Variants in RBFOX1 observed in about 807,000 individuals in gnomAD.
RBFOX1 encodes RNA binding protein fox-1 homolog 1.
A neutral mutation model predicts 57.7 loss-of-function variants in RBFOX1; 8 were observed. The ratio of observed to expected loss-of-function variants is 0.14; its 90% CI spans 0.08 to 0.25. The LOEUF (loss-of-function observed/expected upper bound fraction) is 0.25, where lower values mean the gene tolerates loss of function less well. RBFOX1 is among the 10% of genes least tolerant of loss of function. The probability of loss-of-function intolerance (pLI) is 1.00; values close to 1 mark genes in which losing one functional copy is unlikely to be tolerated. For synonymous variants in RBFOX1, 326 were observed against 222.4 expected (o/e 1.47, Z -4.15); for missense variants, 611 against 548.5 (o/e 1.11, Z -1.14).
intron 2 of RBFOX1, among the ~76,000 whole-genome samples, chr16:5,596,907 G>T (rs1254629501): frequency 6.6e-6 from 1 of 152,198 alleles, no homozygotes; most frequent in Non-Finnish European, 1.5e-5. Context: ...ATAAGCTGGA[G>T]GGTGGATGTG....
At chr16:5,359,535 A>G (rs1197767383) in intron 1 of RBFOX1, among the ~76,000 whole-genome samples, 2 of 152,196 alleles carry the variant, frequency 1.3e-5, no homozygotes, top group African/African-American at 4.8e-5. Flanking sequence ...ATCTCACTGT[A>G]GTCTGGATTT....
intron 4 of RBFOX1, among the ~76,000 whole-genome samples, chr16:5,966,510 C>T (rs115137888): frequency 0.016 from 2,448 of 152,236 alleles, 62 homozygotes; most frequent in African/African-American, 0.055. Flanking sequence ...CAGGCTGGAG[C>T]GCAATGGCGC....
intron 4 of RBFOX1, among the ~76,000 whole-genome samples, chr16:7,191,429 C>G (rs189644356): frequency 1.3e-5 from 2 of 151,798 alleles, no homozygotes; most frequent in East Asian, 1.9e-4. Flanking sequence ...TACAATTGTC[C>G]TCATGGCTTG....
intron 1 of RBFOX1, among the ~76,000 whole-genome samples, chr16:6,079,623 A>G (rs2095968389): frequency 6.7e-6 from 1 of 150,140 alleles, no homozygotes; most frequent in Non-Finnish European, 1.5e-5. Context: ...TTGAAATGGT[A>G]CAGGAGTTCA....
chr16:6,766,458 C>T (rs1026503761), intron 3 of RBFOX1, among the ~76,000 whole-genome samples: 1 of 151,882 alleles, frequency 6.6e-6, no homozygotes, highest in African/African-American at 2.4e-5. Flanking sequence ...CAGTCACATG[C>T]CCTTCTTCAT....
At chr16:7,709,548 A>C in intron 15 of RBFOX1, 1 of 1,532,206 alleles carries the variant, frequency 6.5e-7, no homozygotes, top group East Asian at 2.4e-5. Flanking sequence ...GCACACTTCC[A>C]GGCCTCTGCT....
chr16:5,300,444 A>C (rs2063775803), intron 1 of RBFOX1, among the ~76,000 whole-genome samples: 1 of 152,166 alleles, frequency 6.6e-6, no homozygotes, highest in Non-Finnish European at 1.5e-5. Context: ...TCAAAATCTC[A>C]GAAACCACCA....
chr16:6,994,238 C>G (rs912839429), intron 3 of RBFOX1, among the ~76,000 whole-genome samples: 2 of 152,134 alleles, frequency 1.3e-5, no homozygotes, highest in African/African-American at 4.8e-5. Context: ...TAAGGTTAAG[C>G]TATGGAGAGC....
At chr16:6,349,427 T>C (rs984984897) in intron 2 of RBFOX1, among the ~76,000 whole-genome samples, 2 of 152,182 alleles carry the variant, frequency 1.3e-5, no homozygotes, top group Non-Finnish European at 2.9e-5. Flanking sequence ...GATACGAATA[T>C]TGTGGTAAAA....
At chr16:7,621,119 C>T (rs1171614176) in intron 10 of RBFOX1, among the ~76,000 whole-genome samples, 1 of 152,114 alleles carries the variant, frequency 6.6e-6, no homozygotes, top group African/African-American at 2.4e-5. Context: ...GTTTGAGAAG[C>T]AAGGCCCTAG....
At chr16:7,160,714 A>G (rs1376158852) in intron 4 of RBFOX1, among the ~76,000 whole-genome samples, 1 of 151,950 alleles carries the variant, frequency 6.6e-6, no homozygotes, top group East Asian at 1.9e-4. Flanking sequence ...CTCCTGTGCT[A>G]CATTTTCAGG....
intron 1 of RBFOX1, among the ~76,000 whole-genome samples, chr16:6,166,028 G>A (rs1428644162): frequency 6.6e-6 from 1 of 152,202 alleles, no homozygotes; most frequent in Non-Finnish European, 1.5e-5. Context: ...TACACATACA[G>A]TGGAGTGGAA....
At chr16:6,707,589 G>C (rs1292843553) in intron 3 of RBFOX1, among the ~76,000 whole-genome samples, 1 of 149,628 alleles carries the variant, frequency 6.7e-6, no homozygotes, top group Non-Finnish European at 1.5e-5. Context: ...AGGATTGACA[G>C]TCAATGGACA....
At chr16:6,475,524 G>C (rs1347323805) in intron 2 of RBFOX1, among the ~76,000 whole-genome samples, 1 of 152,198 alleles carries the variant, frequency 6.6e-6, no homozygotes, top group Non-Finnish European at 1.5e-5. Context: ...AGAAAACGTG[G>C]TCACTTACCA....
intron 4 of RBFOX1, among the ~76,000 whole-genome samples, chr16:7,396,499 G>A (rs2148643927): frequency 6.6e-6 from 1 of 152,250 alleles, no homozygotes; most frequent in East Asian, 1.9e-4. Context: ...ATTCATAAGT[G>A]GATGCTCAGG....
chr16:5,271,431 C>G (rs1448088203), intron 1 of RBFOX1, among the ~76,000 whole-genome samples: 1 of 152,218 alleles, frequency 6.6e-6, no homozygotes, highest in Non-Finnish European at 1.5e-5. Flanking sequence ...CTCAGTAGGG[C>G]TGGGTATCCC....
At chr16:5,405,641 C>A (rs2066844520) in intron 1 of RBFOX1, among the ~76,000 whole-genome samples, 1 of 152,134 alleles carries the variant, frequency 6.6e-6, no homozygotes, top group Non-Finnish European at 1.5e-5. Flanking sequence ...ATGAATAAAT[C>A]AGTGCTCATA....
chr16:6,605,337 A>G (rs1302001149), intron 2 of RBFOX1, among the ~76,000 whole-genome samples: 4 of 152,210 alleles, frequency 2.6e-5, no homozygotes, highest in Non-Finnish European at 5.9e-5. Flanking sequence ...TAGCTTTTAC[A>G]GGTAGCTGTC....
chr16:6,228,806 C>G (rs1220264272), intron 1 of RBFOX1, among the ~76,000 whole-genome samples: 2 of 152,172 alleles, frequency 1.3e-5, no homozygotes, highest in South Asian at 2.1e-4. Context: ...TTTAAGTGTT[C>G]TCACACAAAA....
Sources: allele counts gnomAD v4.1 joint callset (sites outside exome capture counted in the v4.1 genomes callset), GRCh38; gene constraint gnomAD v4.1.1; transcripts MANE v1.5; gene names NCBI Gene and HGNC (gene_info 2026-07-23, HGNC 2026-07-21).